SAMD12: variants seen among roughly 807,000 people sequenced by gnomAD.
SAMD12 encodes the protein sterile alpha motif domain-containing protein 12.
Under a neutral mutation model 15.0 loss-of-function variants are expected in SAMD12, and 9 were observed. The ratio of observed to expected loss-of-function variants is 0.60; its 90% CI spans 0.36 to 1.05. The LOEUF is 1.05. Among genes scored for constraint, SAMD12 ranks in the 50% least tolerant of loss-of-function variants. The pLI, the probability that SAMD12 is intolerant of heterozygous loss-of-function variation, is 0.01. For synonymous variants in SAMD12, 86 were observed against 90.1 expected (o/e 0.96, Z 0.25); for missense variants, 230 against 234.2 (o/e 0.98, Z 0.12).
chr8:118,432,825 C>T lies in SAMD12; in HGVS notation c.322+7007G>A, dbSNP rs568835717. 2.0e-3 allele frequency among the ~76,000 whole-genome samples: 310 copies of T among 152,202 alleles called. 4 individuals carry two copies. Among genetic ancestry groups the T allele is most frequent in the Non-Finnish European group, 3.1e-3 (210 of 68,010 alleles). On this transcript the variant is annotated intron_variant, in intron 3 of 3. Transcript: ENST00000314727. ...AGCTTAGAGGAGGAGGGAGTATAGGCAAAACCAAACACCATCACCACCACC... is the reference window on the plus strand; with the variant it reads ...AGCTTAGAGGAGGAGGGAGTATAGGTAAAACCAAACACCATCACCACCACC...
intron 2 of SAMD12, among the ~76,000 whole-genome samples, chr8:118,559,550 T>C (rs1187053235): frequency 1.3e-5 from 2 of 152,240 alleles, no homozygotes; most frequent in Non-Finnish European, 2.9e-5. Context: ...CTAGCATTTC[T>C]TGAACTTGTA....
intron 2 of SAMD12, among the ~76,000 whole-genome samples, chr8:118,520,716 C>T (rs1398101931): frequency 1.3e-5 from 2 of 152,172 alleles, no homozygotes; most frequent in African/African-American, 4.8e-5. Flanking sequence ...TACAGACAAT[C>T]ACTTACATTT....
intron 4 of SAMD12, chr8:118,284,257 C>T (rs1213389341): frequency 2.2e-6 from 1 of 455,802 alleles, no homozygotes; most frequent in Non-Finnish European, 4.4e-6. Flanking sequence ...CAGCCAATCC[C>T]TTTGTCTTTT....
At chr8:118,269,194 T>TTCTCTCTC (rs762035151) in intron 4 of SAMD12, among the ~76,000 whole-genome samples, 7 of 138,488 alleles carry the variant, frequency 5.1e-5, no homozygotes, top group African/African-American at 1.7e-4. Flanking sequence ...TTTGCTTTTG[T>TTCTCTCTC]TCTCTCTCTC....
At chr8:118,303,630 T>A (rs927208843) in intron 4 of SAMD12, among the ~76,000 whole-genome samples, 3 of 152,190 alleles carry the variant, frequency 2.0e-5, no homozygotes, top group African/African-American at 7.2e-5. Flanking sequence ...TCTCTTCTAA[T>A]TTTGACCTTT....
intron 2 of SAMD12, among the ~76,000 whole-genome samples, chr8:118,558,396 T>C (rs868596518): frequency 2.0e-5 from 3 of 152,186 alleles, no homozygotes; most frequent in Non-Finnish European, 4.4e-5. Flanking sequence ...TTGAGGCTAT[T>C]TTATTAGGTG....
chr8:118,409,867 C>T (rs575989030), intron 3 of SAMD12, among the ~76,000 whole-genome samples: 4 of 143,998 alleles, frequency 2.8e-5, no homozygotes, highest in African/African-American at 1.1e-4. Context: ...CATGTAAAAG[C>T]AACAATAATG....
Position 118,621,804 on chromosome 8 carries a change from C to G in SAMD12, c.13G>C (p.Ala5Pro). ...TAAAAATGCCCCAAGCGTCCCTTAC[C>G]TTCCACAGCCATTCTCTCAGAGCTT... MAVEALHCGLNPRGI... is the reference protein window; with the variant it reads MAVEPLHCGLNPRGI... Residue 5 changes from alanine (A) to proline (P), a missense_variant and splice_region_variant, in exon 1 of 4, where the codon GCT (alanine) becomes CCT (proline). Physicochemically the swap from Ala to Pro is conservative, Grantham distance 27. Coordinates refer to ENST00000314727, the MANE Select transcript of SAMD12 (RefSeq NM_207506.3). 6.2e-7 allele frequency: 1 copy of G among 1,614,098 alleles called. No homozygotes were observed. The highest frequency in any genetic ancestry group is 8.5e-7 in the Non-Finnish European group (1 of 1,179,974).
In SAMD12 at chr8:118,333,943, TG is replaced by T. The variant is rs1417480286; in HGVS notation, c.433+45616del. ...CAGGGGGTATGTCTGTGTGTGTGTG[TG>T]TGTGCACATTGGCGGGGGGCAGGGG... On this transcript the variant is annotated intron_variant, in intron 4 of 4. Coordinates refer to the SAMD12 transcript ENST00000409003. Among the ~76,000 whole-genome samples the T allele has an allele frequency of 7.4e-4, 105 of 141,294 alleles. 1 individual carries two copies. The highest frequency in any genetic ancestry group is 2.8e-3 in the African/African-American group (104 of 37,410). 92.7% of individuals were successfully genotyped at this position (141,294 alleles called of 152,430 possible). A position where few individuals can be genotyped will look rare whatever the true frequency, so the allele number is the denominator to read the frequency against.
intron 3 of SAMD12, among the ~76,000 whole-genome samples, chr8:118,410,186 A>C (rs570188312): frequency 3.3e-5 from 5 of 152,182 alleles, no homozygotes; most frequent in Non-Finnish European, 7.3e-5. Flanking sequence ...TACATGTTCA[A>C]AACTGTTTAC....
intron 2 of SAMD12, among the ~76,000 whole-genome samples, chr8:118,440,697 A>ACACACAAAC (rs1563861873): frequency 7.6e-5 from 4 of 52,430 alleles, no homozygotes; most frequent in South Asian, 6.4e-4. Flanking sequence ...CACACACACA[A>ACACACAAAC]ACACACACAC....
chr8:118,535,067 T>C (rs1436335091), intron 2 of SAMD12, among the ~76,000 whole-genome samples: 54 of 152,328 alleles, frequency 3.5e-4, no homozygotes, highest in Non-Finnish European at 2.9e-5. Flanking sequence ...CTGTTTTCTC[T>C]CCATCTTTGT....
chr8:118,318,563 C>T (rs1816066188), intron 4 of SAMD12, among the ~76,000 whole-genome samples: 1 of 151,530 alleles, frequency 6.6e-6, no homozygotes, highest in Non-Finnish European at 1.5e-5. Flanking sequence ...TTTGGAGACT[C>T]AGGATAGTGG....
At chr8:118,266,628 T>C (rs1448216832) in intron 4 of SAMD12, among the ~76,000 whole-genome samples, 4 of 152,162 alleles carry the variant, frequency 2.6e-5, no homozygotes, top group Non-Finnish European at 2.9e-5. Context: ...AAATGTGGTA[T>C]ATATGCACAA....
intron 2 of SAMD12, among the ~76,000 whole-genome samples, chr8:118,476,264 G>C (rs907971443): frequency 1.3e-5 from 2 of 152,128 alleles, no homozygotes; most frequent in African/African-American, 4.8e-5. Flanking sequence ...CCCCCTCAAA[G>C]TCTAGGTAAA....
intron 4 of SAMD12, among the ~76,000 whole-genome samples, chr8:118,342,066 G>T (rs1022542140): frequency 6.6e-6 from 1 of 152,204 alleles, no homozygotes; most frequent in African/African-American, 2.4e-5. Flanking sequence ...AAGGTGGGCA[G>T]ATCACCTGAG....
chr8:118,294,222 C>G (rs1380528583), intron 4 of SAMD12, among the ~76,000 whole-genome samples: 3 of 152,172 alleles, frequency 2.0e-5, no homozygotes, highest in Non-Finnish European at 4.4e-5. Flanking sequence ...CACTGACAGC[C>G]AGGAATGCCA....
intron 4 of SAMD12, among the ~76,000 whole-genome samples, chr8:118,312,993 A>T (rs1051987983): frequency 6.6e-6 from 1 of 152,204 alleles, no homozygotes. Flanking sequence ...CCACATTGGT[A>T]GGGAGACAAC....
intron 3 of SAMD12, among the ~76,000 whole-genome samples, chr8:118,403,394 T>C (rs1189288653): frequency 4.6e-5 from 7 of 151,408 alleles, no homozygotes; most frequent in Admixed American, 4.6e-4. Context: ...TATGGCAGAG[T>C]GGGTAAGAGT....
Sources: allele counts gnomAD v4.1 joint callset (sites outside exome capture counted in the v4.1 genomes callset), GRCh38; gene constraint gnomAD v4.1.1; transcripts MANE v1.5; gene names NCBI Gene and HGNC (gene_info 2026-07-23, HGNC 2026-07-21).